NRP1: variants seen among roughly 807,000 people sequenced by gnomAD.
NRP1 encodes the protein neuropilin-1.
A neutral mutation model predicts 106.7 loss-of-function variants in NRP1; 35 were observed. The observed-to-expected ratio is 0.33, with a 90% CI of 0.25 to 0.43. NRP1 has a LOEUF of 0.43. Among genes scored for constraint, NRP1 ranks in the 20% least tolerant of loss-of-function variants. The probability of loss-of-function intolerance (pLI) is 1.00; values close to 1 mark genes in which losing one functional copy is unlikely to be tolerated. For synonymous variants in NRP1, 437 were observed against 417.9 expected (o/e 1.05, Z -0.56); for missense variants, 1,024 against 1,170.4 (o/e 0.87, Z 1.83).
At chr10:33,211,384 A>C (rs1003251396) in intron 9 of NRP1, 1 of 152,262 alleles carries the variant, frequency 6.6e-6, no homozygotes, top group African/African-American at 2.4e-5. Flanking sequence ...ACTGCTTCTC[A>C]GAACAGATCC....
chr10:33,265,441 T>G (rs1409860090), intron 3 of NRP1, among the ~76,000 whole-genome samples: 1 of 152,184 alleles, frequency 6.6e-6, no homozygotes, highest in Admixed American at 6.5e-5. Flanking sequence ...CTAAACATTC[T>G]CCCAAAGTGC....
rs140704578 is a variant in NRP1 at position 33,326,070 on chromosome 10, G to A, written c.248+4638C>T. ...GTCTGTGAAATTTTTATTGCTCCCC[G>A]GATGGTGACATCTGATCTGAATGTA... is the stretch of plus-strand genomic sequence containing the variant. On this transcript the variant is annotated intron_variant, in intron 2 of 16. Transcript: ENST00000374867. Among the ~76,000 whole-genome samples the A allele has an allele frequency of 3.6e-3, 541 of 152,162 alleles. 3 individuals carry two copies. The highest frequency in any genetic ancestry group is 0.012 in the African/African-American group (518 of 41,506).
chr10:33,304,156 G>A (rs114666497), intron 2 of NRP1, among the ~76,000 whole-genome samples: 410 of 152,244 alleles, frequency 2.7e-3, no homozygotes, highest in African/African-American at 9.4e-3. Flanking sequence ...TGAAAATAAC[G>A]GAAAGACATC....
chr10:33,329,445 G>A lies in NRP1; in HGVS notation c.248+1263C>T, dbSNP rs1056759364. On this transcript the variant is annotated intron_variant, in intron 2 of 16. Coordinates refer to ENST00000374867, the MANE Select transcript of NRP1 (RefSeq NM_003873.7). ...TACTAAACCAACTCAACAGGTTGTC[G>A]AGCACTTCCTACAGGTAGGAAGATT... is the stretch of plus-strand genomic sequence containing the variant. Among the ~76,000 whole-genome samples the A allele has an allele frequency of 6.6e-5, 10 of 152,158 alleles. 1 individual carries two copies. The highest frequency in any genetic ancestry group is 2.2e-4 in the African/African-American group (9 of 41,436).
At chr10:33,218,075 G>A (rs796645040) in intron 8 of NRP1, among the ~76,000 whole-genome samples, 17 of 152,228 alleles carry the variant, frequency 1.1e-4, no homozygotes, top group African/African-American at 4.1e-4. Context: ...ATTGACTTAG[G>A]AGCACATGAA....
chr10:33,266,563 A>G (rs1368098261), intron 3 of NRP1, among the ~76,000 whole-genome samples: 1 of 152,230 alleles, frequency 6.6e-6, no homozygotes. Flanking sequence ...TCAGTTTACC[A>G]TAGTTGAAGA....
intron 6 of NRP1, among the ~76,000 whole-genome samples, chr10:33,242,839 T>C (rs1017518291): frequency 1.3e-5 from 2 of 152,194 alleles, no homozygotes; most frequent in African/African-American, 2.4e-5. Context: ...ATAAGACAAG[T>C]ATAATGAGTT....
chr10:33,249,233 A>G (rs1841665802), intron 6 of NRP1, among the ~76,000 whole-genome samples: 1 of 152,094 alleles, frequency 6.6e-6, no homozygotes, highest in Non-Finnish European at 1.5e-5. Context: ...TTAATAAAAC[A>G]TTGAAATAAT....
At chr10:33,278,205 T>G (rs10827228) in intron 2 of NRP1, among the ~76,000 whole-genome samples, 74,643 of 151,582 alleles carry the variant, frequency 0.49, 18,533 homozygotes, top group South Asian at 0.56. Context: ...GGTAGGAGAG[T>G]GATTATTTGG....
chr10:33,273,012 C>G (rs1472295007), intron 2 of NRP1, among the ~76,000 whole-genome samples: 1 of 145,502 alleles, frequency 6.9e-6, no homozygotes, highest in Non-Finnish European at 1.5e-5. Flanking sequence ...TATTTTAATT[C>G]ACATATCCTC....
intron 6 of NRP1, among the ~76,000 whole-genome samples, chr10:33,242,183 G>A (rs1841077171): frequency 2.0e-5 from 3 of 152,162 alleles, no homozygotes; most frequent in Non-Finnish European, 2.9e-5. Flanking sequence ...TGAAGGTCAT[G>A]TAAGATGCTC....
chr10:33,188,512 T>C (rs1272581338), intron 13 of NRP1, among the ~76,000 whole-genome samples: 2 of 152,082 alleles, frequency 1.3e-5, no homozygotes, highest in Non-Finnish European at 2.9e-5. Context: ...GTAGGAGAGA[T>C]GCCAGATTTC....
intron 16 of NRP1, 44 bp from the exon 17 acceptor site, chr10:33,180,409 A>G (rs2132562830): frequency 6.6e-7 from 1 of 1,519,586 alleles, no homozygotes; most frequent in East Asian, 2.3e-5. Flanking sequence ...CCGCCAACAG[A>G]CCAGATGAAA....
At chr10:33,327,324 A>G (rs971892160) in intron 2 of NRP1, among the ~76,000 whole-genome samples, 3 of 152,166 alleles carry the variant, frequency 2.0e-5, no homozygotes, top group African/African-American at 7.2e-5. Context: ...AGGCTTTCCT[A>G]TCTACTACTT....
chr10:33,285,848 C>CAAAAA (rs944573226), intron 2 of NRP1, among the ~76,000 whole-genome samples: 1 of 151,596 alleles, frequency 6.6e-6, no homozygotes, highest in Non-Finnish European at 1.5e-5. Context: ...CAAAACAAAA[C>CAAAAA]AAAACAAAAC....
At position 33,213,484 on chromosome 10, in the gene NRP1, G is replaced by A. The variant is rs1564388011; in HGVS notation, c.1516C>T (p.Arg506Ter). The change falls in exon 9 of 17, where the codon CGA (arginine) becomes TGA (stop). Residue 506 changes from arginine (R) to a stop codon, truncating the protein, a stop_gained. Transcript: ENST00000374867. LOFTEE classifies it high-confidence loss of function. ...TTCCTCATGAACACCTTGTTCTCTC[G>A]GTGCTTCCCACCCTGAATGATGATG... ...RGIIIQGGKH[R>*]ENKVFMRKFK... is the part of the protein sequence containing the mutation. 1 of 1,613,958 alleles carries A rather than the reference G, an allele frequency of 6.2e-7. No individual in the cohort carries two copies. Among genetic ancestry groups the A allele is most frequent in the Non-Finnish European group, 8.5e-7 (1 of 1,179,990 alleles).
rs546720765 is a variant in NRP1, at chr10:33,235,175, T to C, written c.982-8886A>G. Among the ~76,000 whole-genome samples the C allele has an allele frequency of 6.6e-5, 10 of 152,300 alleles. No individual in the cohort carries two copies. The East Asian group carries it at 1.7e-3, about 26-fold the overall frequency. ...TTCTGACATGTTCTTTGAACTGGAG[T>C]CCCATCTGGTTCTGTTTGAATAGTA... On this transcript the variant is annotated intron_variant, in intron 6 of 16. Transcript: ENST00000374867.
At chr10:33,209,068 G>A (rs11009291) in intron 9 of NRP1, among the ~76,000 whole-genome samples, 20,617 of 151,162 alleles carry the variant, frequency 0.14, 1,740 homozygotes, top group East Asian at 0.5. Context: ...CAATATGTCC[G>A]GCTAATTTTT....
intron 1 of NRP1, among the ~76,000 whole-genome samples, chr10:33,333,222 C>A (rs1848408238): frequency 1.2e-5 from 1 of 82,870 alleles, no homozygotes; most frequent in African/African-American, 4.1e-5. Flanking sequence ...AGCTGAATTC[C>A]ATGTTCATAA....
Sources: gnomAD v4.1 joint callset for allele counts (sites outside exome capture counted in the v4.1 genomes callset) on GRCh38, gnomAD v4.1.1 for gene constraint, MANE v1.5 for transcripts, NCBI Gene and HGNC (gene_info 2026-07-23, HGNC 2026-07-21) for gene names.